Variants in DPYSL2 observed in about 807,000 individuals in gnomAD.
The protein encoded by DPYSL2 is dihydropyrimidinase-related protein 2.
DPYSL2 carries 13 observed loss-of-function variants against 69.9 expected under a neutral mutation model. The ratio of observed to expected loss-of-function variants is 0.19; its 90% confidence interval spans 0.12 to 0.30. The LOEUF (loss-of-function observed/expected upper bound fraction) is 0.30. Ranked by LOEUF, DPYSL2 falls within the 10% of genes least tolerant of loss-of-function variation. The pLI, the probability that DPYSL2 is intolerant of heterozygous loss-of-function variation, is 1.00. For synonymous variants in DPYSL2, 326 were observed against 359.1 expected, an observed-to-expected ratio of 0.91 and a Z score of 1.04; for missense variants, 587 against 918.9, an observed-to-expected ratio of 0.64 and a Z score of 4.67.
Position 26,582,086 on chromosome 8 carries a change from A to G in DPYSL2, c.443+29A>G, listed in dbSNP as rs772763159. On this transcript the variant is annotated intron_variant, in intron 2 of 13. Transcript: ENST00000521913. The surrounding 1 kb of genome is among the most constrained non-coding windows in gnomAD (Gnocchi z 4.1). ...AGTGTAACTCATGATATACAGATGTATTTGAACACTTTCCAGACTTCCCAA... is the reference window on the plus strand; with the variant it reads ...AGTGTAACTCATGATATACAGATGTGTTTGAACACTTTCCAGACTTCCCAA... 3 of 1,565,076 alleles carry G rather than the reference A, an allele frequency of 1.9e-6. No individual in the cohort carries two copies. Among genetic ancestry groups the G allele is most frequent in the South Asian group, 1.1e-5 (1 of 89,974 alleles).
intron 1 of DPYSL2, among the ~76,000 whole-genome samples, chr8:26,568,882 G>C (rs1020248385): frequency 1.3e-5 from 2 of 152,226 alleles, no homozygotes; most frequent in South Asian, 4.2e-4. Flanking sequence ...AGAGGAACCC[G>C]GCTGCAGTTA....
intron 1 of DPYSL2, among the ~76,000 whole-genome samples, chr8:26,526,282 A>T (rs1449486620): frequency 1.3e-5 from 2 of 151,982 alleles, no homozygotes; most frequent in Non-Finnish European, 2.9e-5. Context: ...TTTAGTAGAG[A>T]CGGGGTTTCA....
chr8:26,637,410 A>G (rs1802945849), intron 8 of DPYSL2: 1 of 152,174 alleles, frequency 6.6e-6, no homozygotes, highest in Non-Finnish European at 1.5e-5. Context: ...AGCTGAGTAA[A>G]CTGAAGCTCA....
At position 26,533,159 on chromosome 8, in the gene DPYSL2, T is replaced by C. The variant is rs1042268672; in HGVS notation, c.354+18480T>C. 6.6e-6 allele frequency among the ~76,000 whole-genome samples: 1 copy of C among 152,260 alleles called. No homozygotes were observed. The highest frequency in any genetic ancestry group is 2.4e-5 in the African/African-American group (1 of 41,474). ...CATTGAGCATCTTTTCATGTGCTTATGTCATTTGTATCTCTTTGGAGAACT... is the reference window on the plus strand; with the variant it reads ...CATTGAGCATCTTTTCATGTGCTTACGTCATTTGTATCTCTTTGGAGAACT... On this transcript the variant is annotated intron_variant, in intron 1 of 13. Coordinates refer to ENST00000521913, the MANE Select transcript of DPYSL2 (RefSeq NM_001197293.3). This position sits in a 1 kb window ranked among gnomAD's most constrained non-coding sequence, Gnocchi z 4.8.
At position 26,641,872 on chromosome 8, in the gene DPYSL2, G is replaced by A. The variant is rs1803057576; in HGVS notation, c.1127-1567G>A. ...TTGTGAAATTCCTGAGGCAGGAGGG[G>A]GCAGCTGTGCAGAGCCAGCTCTCAG... On this transcript the variant is annotated intron_variant, in intron 8 of 13. Coordinates refer to ENST00000521913, the MANE Select transcript of DPYSL2 (RefSeq NM_001197293.3). The surrounding 1 kb of genome is among the most constrained non-coding windows in gnomAD (Gnocchi z 4.1). Among the ~76,000 whole-genome samples, 1 of 152,232 alleles carries A rather than the reference G, an allele frequency of 6.6e-6. No homozygotes were observed. The highest frequency in any genetic ancestry group is 2.4e-5 in the African/African-American group (1 of 41,466).
Position 26,624,436 on chromosome 8 carries a change from G to A in DPYSL2, c.793+129G>A. ...GCCTCATGCCCATGCCTGCCCCTGG[G>A]AAGGAGAGAGGGCTTTGGGCCGCAG... On this transcript the variant is annotated intron_variant, in intron 4 of 13. Coordinates refer to ENST00000521913, the MANE Select transcript of DPYSL2 (RefSeq NM_001197293.3). The surrounding 1 kb of genome is among the most constrained non-coding windows in gnomAD (Gnocchi z 4.7). 1 of 1,220,322 alleles carries A rather than the reference G, an allele frequency of 8.2e-7. No individual in the cohort carries two copies. Among genetic ancestry groups the A allele is most frequent in the East Asian group, 2.4e-5 (1 of 42,428 alleles). The allele number at this position is 1,220,322 out of a possible 1,614,324, so 75.6% of individuals were successfully genotyped here.
intron 1 of DPYSL2, among the ~76,000 whole-genome samples, chr8:26,541,706 G>GT (rs1172797307): frequency 1.3e-5 from 2 of 151,848 alleles, no homozygotes; most frequent in Non-Finnish European, 2.9e-5. Flanking sequence ...AAATGGTAGT[G>GT]TTTTTTTATA....
At chr8:26,515,375 G>GA (rs1460772553) in intron 1 of DPYSL2, among the ~76,000 whole-genome samples, 1 of 152,230 alleles carries the variant, frequency 6.6e-6, no homozygotes, top group Admixed American at 6.5e-5. Flanking sequence ...GGGCTTCACA[G>GA]AGCGCTCCCC....
chr8:26,549,328 A>T (rs896987784), intron 1 of DPYSL2, among the ~76,000 whole-genome samples: 1 of 152,168 alleles, frequency 6.6e-6, no homozygotes, highest in African/African-American at 2.4e-5. Flanking sequence ...AGAAAGAATC[A>T]GCGAGCTTGA....
At chr8:26,547,903 TC>T in intron 1 of DPYSL2, 1 of 272,560 alleles carries the variant, frequency 3.7e-6, no homozygotes, top group Non-Finnish European at 7.7e-6. Context: ...GCCACTGAAA[TC>T]CCCATCCCAG....
chr8:26,555,019 A>C (rs1800923405), intron 1 of DPYSL2, among the ~76,000 whole-genome samples: 1 of 152,196 alleles, frequency 6.6e-6, no homozygotes, highest in Non-Finnish European at 1.5e-5. Flanking sequence ...AAAAAAGATC[A>C]CATGATTATA....
rs1349472698 is a variant in DPYSL2, at chr8:26,586,361, CAG to C, written c.628+2384_628+2385del. The stretch of plus-strand genomic sequence containing the variant: ...TCACTGAAACTCATTCACTGAAACT[CAG>C]AGAGATTTTGCCTCTCATCAAGTAC... On this transcript the variant is annotated intron_variant, in intron 3 of 13. Transcript: ENST00000521913. The surrounding 1 kb of genome is among the most constrained non-coding windows in gnomAD (Gnocchi z 4.7). Among the ~76,000 whole-genome samples the C allele has an allele frequency of 6.6e-6, 1 of 152,176 alleles. No homozygotes were observed. Among genetic ancestry groups the C allele is most frequent in the African/African-American group, 2.4e-5 (1 of 41,430 alleles).
In DPYSL2 at chr8:26,533,465, C is replaced by G. The variant is rs974925394; in HGVS notation, c.354+18786C>G. On this transcript the variant is annotated intron_variant, in intron 1 of 13. Transcript: ENST00000521913. The surrounding 1 kb of genome is among the most constrained non-coding windows in gnomAD (Gnocchi z 4.8). ...ATTCCAAGGTCACAAAGACTTACCCCTGTGTTTTCTCCTGGATGTTTCATA... is the reference window on the plus strand; with the variant it reads ...ATTCCAAGGTCACAAAGACTTACCCGTGTGTTTTCTCCTGGATGTTTCATA... Among the ~76,000 whole-genome samples the G allele has an allele frequency of 6.6e-6, 1 of 152,246 alleles. No individual in the cohort carries two copies. Among genetic ancestry groups the G allele is most frequent in the African/African-American group, 2.4e-5 (1 of 41,544 alleles).
chr8:26,601,167 C>G (rs62491922), intron 3 of DPYSL2, among the ~76,000 whole-genome samples: 2,054 of 152,256 alleles, frequency 0.013, 25 homozygotes, highest in Middle Eastern at 0.068. Flanking sequence ...CACAGCTGCT[C>G]CCTCCTTGGA....
chr8:26,560,806 G>C lies in DPYSL2; in HGVS notation c.355-21163G>C, dbSNP rs1801058252. ...GCATGTGGACATTAGTATGATCTAT[G>C]TAAGTATAATCACCAGCAGTTACAA... On this transcript the variant is annotated intron_variant, in intron 1 of 13. Transcript: ENST00000521913. The surrounding 1 kb of genome is among the most constrained non-coding windows in gnomAD (Gnocchi z 4.4). 6.6e-6 allele frequency among the ~76,000 whole-genome samples: 1 copy of C among 152,174 alleles called. No homozygotes were observed. Among genetic ancestry groups the C allele is most frequent in the African/African-American group, 2.4e-5 (1 of 41,436 alleles).
chr8:26,551,874 C>G (rs920984025), intron 1 of DPYSL2, among the ~76,000 whole-genome samples: 2 of 152,132 alleles, frequency 1.3e-5, no homozygotes, highest in Non-Finnish European at 2.9e-5. Context: ...AGTGTAGTGG[C>G]ATAATCATAG....
chr8:26,579,481 A>G (rs1233251179), intron 1 of DPYSL2, among the ~76,000 whole-genome samples: 1 of 152,244 alleles, frequency 6.6e-6, no homozygotes, highest in Non-Finnish European at 1.5e-5. Context: ...ACTGAGGCAG[A>G]GATCGAAAGA....
chr8:26,587,868 C>T lies in DPYSL2; in HGVS notation c.628+3885C>T, dbSNP rs570413651. Among the ~76,000 whole-genome samples, 24 of 152,134 alleles carry T rather than the reference C, an allele frequency of 1.6e-4. No individual in the cohort carries two copies. Among genetic ancestry groups the T allele is most frequent in the Non-Finnish European group, 3.2e-4 (22 of 68,020 alleles). On this transcript the variant is annotated intron_variant, in intron 3 of 13. Transcript: ENST00000521913. The surrounding 1 kb of genome is among the most constrained non-coding windows in gnomAD (Gnocchi z 4.2). ...AGAGTTTCTAGGAAGCAGCTGGGAA[C>T]AGTTACCTCTATTTTATAGAGGGGA...
At chr8:26,572,644 C>T (rs545205869) in intron 1 of DPYSL2, among the ~76,000 whole-genome samples, 30 of 152,070 alleles carry the variant, frequency 2.0e-4, no homozygotes, top group Non-Finnish European at 4.0e-4. Flanking sequence ...GGATTACAGG[C>T]GTCCCCTACC....
Sources: allele counts gnomAD v4.1 joint callset (sites outside exome capture counted in the v4.1 genomes callset), GRCh38; gene constraint gnomAD v4.1.1; non-coding constraint Gnocchi (gnomAD v3.1); transcripts MANE v1.5; gene names NCBI Gene and HGNC (gene_info 2026-07-23, HGNC 2026-07-21).